The following ANKRD11 variants were observed in gnomAD, a reference collection of about 807,000 sequenced individuals.
The protein encoded by ANKRD11 is ankyrin repeat domain 11.
A neutral mutation model predicts 195.7 loss-of-function variants in ANKRD11; 17 were observed. The ratio of observed to expected loss-of-function variants is 0.09; its 90% CI spans 0.06 to 0.13. The LOEUF is 0.13. ANKRD11 is among the 10% of genes least tolerant of loss of function. ANKRD11 has a pLI of 1.00. For missense variants in ANKRD11, 3,735 were observed against 3,566.1 expected (o/e 1.05, Z -1.21); for synonymous variants, 1,953 against 1,528.1 (o/e 1.28, Z -6.49).
intron 1 of ANKRD11, among the ~76,000 whole-genome samples, chr16:89,463,270 T>G (rs996728360): frequency 6.6e-6 from 1 of 152,154 alleles, no homozygotes; most frequent in Non-Finnish European, 1.5e-5. Flanking sequence ...AATCGGATGG[T>G]TGCCGTGTCT....
intron 2 of ANKRD11, among the ~76,000 whole-genome samples, chr16:89,398,677 G>C (rs910276088): frequency 6.6e-6 from 1 of 152,176 alleles, no homozygotes; most frequent in Non-Finnish European, 1.5e-5. Flanking sequence ...GGGAGGTTGA[G>C]GCTGCAGTGA....
rs891277462 is a variant in ANKRD11, at chr16:89,362,968, C to T, written c.-59-45890G>A. The stretch of plus-strand genomic sequence containing the variant: ...GACACAGCAGTTGGTATAAAAAAAC[C>T]GGACACAGCGTCAGGTTATAAATGA... On this transcript the variant is annotated intron_variant, in intron 2 of 12. Coordinates refer to ENST00000301030, the MANE Select transcript of ANKRD11 (RefSeq NM_013275.6). Among the ~76,000 whole-genome samples the T allele has an allele frequency of 3.4e-3, 509 of 151,860 alleles. 2 individuals carry two copies. The highest frequency in any genetic ancestry group is 0.012 in the African/African-American group (489 of 41,148).
chr16:89,467,034 A>T (rs1160102985), intron 1 of ANKRD11, among the ~76,000 whole-genome samples: 1 of 152,234 alleles, frequency 6.6e-6, no homozygotes, highest in African/African-American at 2.4e-5. Flanking sequence ...ACATCCTATC[A>T]TATAAGAAAT....
At chr16:89,480,179 A>C (rs910813474) in intron 1 of ANKRD11, among the ~76,000 whole-genome samples, 8 of 151,944 alleles carry the variant, frequency 5.3e-5, no homozygotes, top group Non-Finnish European at 1.0e-4. Context: ...AGCCTTTTTA[A>C]AAATCCTAAC....
At chr16:89,362,399 A>C (rs982998430) in intron 2 of ANKRD11, among the ~76,000 whole-genome samples, 4 of 152,182 alleles carry the variant, frequency 2.6e-5, no homozygotes, top group Non-Finnish European at 5.9e-5. Flanking sequence ...AGAGTGCACG[A>C]AAGTTCCATC....
intron 1 of ANKRD11, among the ~76,000 whole-genome samples, chr16:89,469,974 C>T (rs574307303): frequency 6.6e-5 from 10 of 150,630 alleles, no homozygotes; most frequent in Admixed American, 5.4e-4. Context: ...GGTGCGATCT[C>T]GGCTCATTGC....
rs1165680827 is a variant in ANKRD11 at position 89,337,429 on chromosome 16, CTTTTTT to C, written c.-59-20357_-59-20352del. ...ATACATGAACATGGTCTAAGCAATTCTTTTTTTTTTTTTTTTTTTTTTTTTTTGAGA... is the reference window on the plus strand; with the variant it reads ...ATACATGAACATGGTCTAAGCAATTCTTTTTTTTTTTTTTTTTTTTTGAGA... On this transcript the variant is annotated intron_variant, in intron 2 of 12. Coordinates refer to ENST00000301030, the MANE Select transcript of ANKRD11 (RefSeq NM_013275.6). Among the ~76,000 whole-genome samples, 67 of 53,130 alleles carry C rather than the reference CTTTTTT, an allele frequency of 1.3e-3. 1 individual carries two copies. The highest frequency in any genetic ancestry group is 0.011 in the East Asian group (14 of 1,258). The allele number at this position is 53,130 out of a possible 152,430, so 34.9% of individuals were successfully genotyped here. A position where few individuals can be genotyped will look rare whatever the true frequency, so the allele number is the denominator to read the frequency against.
intron 2 of ANKRD11, among the ~76,000 whole-genome samples, chr16:89,319,773 C>A (rs775672123): frequency 6.6e-5 from 10 of 152,252 alleles, no homozygotes; most frequent in Admixed American, 3.9e-4. Context: ...CGCCTGCAGG[C>A]ACCAGGCGTG....
chr16:89,441,592 C>A (rs916261977), intron 1 of ANKRD11, among the ~76,000 whole-genome samples: 3 of 151,840 alleles, frequency 2.0e-5, no homozygotes, highest in African/African-American at 7.2e-5. Context: ...ATGGTAAAAC[C>A]CCACCTCTAC....
intron 4 of ANKRD11, 167 bp downstream of exon 4, chr16:89,305,039 T>C (rs2036096157): frequency 9.8e-7 from 1 of 1,019,016 alleles, no homozygotes; most frequent in East Asian, 2.5e-5. Flanking sequence ...GGAGGTGGCA[T>C]GTGGGGGCCT....
Position 89,282,414 on chromosome 16 carries a change from C to A in ANKRD11, c.4128G>T (p.Lys1376Asn), listed in dbSNP as rs763921110. 4 of 1,613,560 alleles carry A rather than the reference C, an allele frequency of 2.5e-6. No individual in the cohort carries two copies. The highest frequency in any genetic ancestry group is 3.4e-6 in the Non-Finnish European group (4 of 1,179,482). ...AKKEKAEKKE[K>N]GEDYKEGGSR... ...TACCGCCCTCCTTGTAATCTTCGCC[C>A]TTCTCTTTCTTCTCGGCCTTCTCTT... The change falls in exon 9 of 13, where the codon AAG (lysine) becomes AAT (asparagine). Residue 1376 changes from lysine to asparagine, a missense_variant. Transcript: ENST00000301030.
intron 1 of ANKRD11, among the ~76,000 whole-genome samples, chr16:89,455,345 T>C (rs1480102398): frequency 2.0e-5 from 3 of 152,112 alleles, no homozygotes; most frequent in Non-Finnish European, 2.9e-5. Flanking sequence ...CCATGGGTGC[T>C]GTTAGGGTTC....
chr16:89,342,877 T>C (rs1161664548), intron 2 of ANKRD11, among the ~76,000 whole-genome samples: 2 of 151,690 alleles, frequency 1.3e-5, no homozygotes, highest in Non-Finnish European at 2.9e-5. Flanking sequence ...GGCAAAGGAG[T>C]GGGAAAGGGA....
chr16:89,465,946 A>G (rs981053442), intron 1 of ANKRD11, among the ~76,000 whole-genome samples: 5 of 152,070 alleles, frequency 3.3e-5, no homozygotes, highest in African/African-American at 1.2e-4. Flanking sequence ...TCCTGACCTC[A>G]TGATCTGCCC....
In ANKRD11 at chr16:89,283,062, G is replaced by T; in HGVS notation, c.3480C>A (p.Ala1160=). The T allele has an allele frequency of 6.2e-7, 1 of 1,613,916 alleles. No individual in the cohort carries two copies. The highest frequency in any genetic ancestry group is 8.5e-7 in the Non-Finnish European group (1 of 1,180,018). ...CAGAAGACTTCCTGTGTCTGTCGGA[G>T]GCATAGGCCTCCCGTCCTTCCTCCT... ...QEKEEGREAY[A]SDRHRKSSDK... The change falls in exon 9 of 13, where the codon GCC becomes GCA. Residue 1160 remains alanine, a synonymous_variant. Transcript: ENST00000301030. This position sits in a 1 kb window ranked among gnomAD's most constrained non-coding sequence, Gnocchi z 4.3.
chr16:89,350,548 A>G (rs1196379840), intron 2 of ANKRD11, among the ~76,000 whole-genome samples: 1 of 152,210 alleles, frequency 6.6e-6, no homozygotes. Context: ...CAGACACAAG[A>G]GTCCACACTC....
rs151173347 is a variant in ANKRD11, at chr16:89,286,259, C to A, written c.745-73G>T. On this transcript the variant is annotated intron_variant, in intron 7 of 12. Transcript: ENST00000301030. ...TCCTCTACCGTTCCGCATAACACGG[C>A]AGCCCCTTCCGAGAACCCTGGGGTT... 61 of 1,591,380 alleles carry A rather than the reference C, an allele frequency of 3.8e-5. 1 individual carries two copies. In the East Asian group the frequency reaches 4.0e-4, roughly 10 times the overall value.
intron 2 of ANKRD11, among the ~76,000 whole-genome samples, chr16:89,359,146 T>C (rs1231857366): frequency 6.6e-6 from 1 of 152,008 alleles, no homozygotes; most frequent in Non-Finnish European, 1.5e-5. Context: ...TCTAAAAGAC[T>C]GATTCTGGAA....
intron 2 of ANKRD11, among the ~76,000 whole-genome samples, chr16:89,385,984 C>T (rs150279908): frequency 2.0e-3 from 309 of 152,352 alleles, no homozygotes; most frequent in Middle Eastern, 3.4e-3. Flanking sequence ...TGGCTCAAGC[C>T]GGCCTCCCGC....
Sources: allele counts gnomAD v4.1 joint callset (sites outside exome capture counted in the v4.1 genomes callset), GRCh38; gene constraint gnomAD v4.1.1; non-coding constraint Gnocchi (gnomAD v3.1); transcripts MANE v1.5; gene names NCBI Gene and HGNC (gene_info 2026-07-23, HGNC 2026-07-21).